The following ERICH3 variants were observed in gnomAD, a reference collection of about 807,000 sequenced individuals.
The protein encoded by ERICH3 is glutamate rich 3.
In ERICH3, 126 loss-of-function variants were observed where a neutral mutation model predicts 131.1. That is an observed-to-expected ratio of 0.96 (90% CI 0.83 to 1.11). The LOEUF is 1.11. Among genes scored for constraint, ERICH3 ranks in the 50% most tolerant of loss-of-function variants. ERICH3 has a pLI of 0.00. For missense variants in ERICH3, 2,050 were observed against 1,810.7 expected, an observed-to-expected ratio of 1.13 and a Z score of -2.40; for synonymous variants, 695 against 644.6, an observed-to-expected ratio of 1.08 and a Z score of -1.18.
intron 12 of ERICH3, among the ~76,000 whole-genome samples, chr1:74,584,928 C>G (rs940961925): frequency 1.3e-5 from 2 of 152,096 alleles, no homozygotes; most frequent in African/African-American, 4.8e-5. Context: ...TCATCAGGAC[C>G]ATTTTATCCT....
At position 74,573,004 on chromosome 1, in the gene ERICH3, T is replaced by C; in HGVS notation, c.2706A>G (p.Ala902=). 6.2e-7 allele frequency: 1 copy of C among 1,614,174 alleles called. No individual in the cohort carries two copies. The highest frequency in any genetic ancestry group is 8.5e-7 in the Non-Finnish European group (1 of 1,180,028). The part of the protein sequence containing the change: ...ASEGEQGLEK[A]VLANEAAALN... ...GGGCTGCTGCTTCATTTGCAAGCAC[T>C]GCCTTCTCTAAACCCTGTTCCCCTT... Residue 902 remains alanine, a synonymous_variant, in exon 14 of 15, where the codon GCA becomes GCG. Coordinates refer to ENST00000326665, the MANE Select transcript of ERICH3 (RefSeq NM_001002912.5).
Position 74,612,691 on chromosome 1 carries a change from A to C in ERICH3, c.1119T>G (p.Gly373=), listed in dbSNP as rs751054291. Reference sequence around the variant, plus strand: ...AGCCTCGTTTGCCTCCAAGCCTGGAACCTTTCCGATGCTTGTATTCACAAC... The same window carrying C: ...AGCCTCGTTTGCCTCCAAGCCTGGACCCTTTCCGATGCTTGTATTCACAAC... ...SSCCEYKHRK[G]SRLGGKRGYF... The change falls in exon 9 of 15, where the codon GGT becomes GGG. Residue 373 remains glycine (G), a synonymous_variant. Transcript: ENST00000326665. 1.2e-6 allele frequency: 2 copies of C among 1,602,870 alleles called. No homozygotes were observed. The highest frequency in any genetic ancestry group is 2.2e-5 in the East Asian group (1 of 44,776).
At chr1:74,621,208 G>A (rs1280242900) in intron 7 of ERICH3, among the ~76,000 whole-genome samples, 1 of 152,108 alleles carries the variant, frequency 6.6e-6, no homozygotes, top group African/African-American at 2.4e-5. Flanking sequence ...GTGTGTGGGA[G>A]TGTGTTTGTT....
chr1:74,572,356 G>A lies in ERICH3; in HGVS notation c.3354C>T (p.Pro1118=), dbSNP rs989801836. The change falls in exon 14 of 15, where the codon CCC becomes CCT. Residue 1118 remains proline, a synonymous_variant. Transcript: ENST00000326665. ...CAGCATCAGATCCCATTTCATTTGG[G>A]GGAGCTTTTGTCTCTTCCTCAGCTC... is the stretch of plus-strand genomic sequence containing the variant. ...EVRAEEETKA[P]PNEMGSDAEN... is the part of the protein sequence containing the mutation. The A allele has an allele frequency of 6.2e-7, 1 of 1,613,656 alleles. No homozygotes were observed. The highest frequency in any genetic ancestry group is 8.5e-7 in the Non-Finnish European group (1 of 1,179,976).
chr1:74,641,588 T>G lies in ERICH3; in HGVS notation c.316-129A>C. The G allele has an allele frequency of 7.8e-6, 9 of 1,152,184 alleles. 1 individual carries two copies. The South Asian group carries it at 1.3e-4, about 17-fold the overall frequency. The allele number at this position is 1,152,184 out of a possible 1,614,324, so 71.4% of individuals were successfully genotyped here. A position where few individuals can be genotyped will look rare whatever the true frequency, so the allele number is the denominator to read the frequency against. ...CATTTCTTCCAAGAGTTACTTTTGT[T>G]AAGGAGTTAGGTGTGGTGGTAAGGC... On this transcript the variant is annotated intron_variant, in intron 4 of 14. Transcript: ENST00000326665.
intron 1 of ERICH3, among the ~76,000 whole-genome samples, chr1:74,670,512 C>G (rs761070194): frequency 1.3e-5 from 2 of 152,148 alleles, no homozygotes; most frequent in Non-Finnish European, 2.9e-5. Flanking sequence ...TAAATTGTGA[C>G]GATTTCATGA....
At position 74,571,032 on chromosome 1, in the gene ERICH3, C is replaced by T. The variant is rs1213785310; in HGVS notation, c.*18+67G>A. 31 of 1,528,566 alleles carry T rather than the reference C, an allele frequency of 2.0e-5. No homozygotes were observed. The East Asian group carries it at 6.8e-4, about 33-fold the overall frequency. 94.7% of individuals were successfully genotyped at this position (1,528,566 alleles called of 1,614,324 possible). ...GACACCAATAAAGGGACAAGCCAGCCCCAAGGGGAGGAGACCCACCGCAGG... is the reference window on the plus strand; with the variant it reads ...GACACCAATAAAGGGACAAGCCAGCTCCAAGGGGAGGAGACCCACCGCAGG... On this transcript the variant is annotated intron_variant, in intron 14 of 14. Coordinates refer to ENST00000326665, the MANE Select transcript of ERICH3 (RefSeq NM_001002912.5).
intron 12 of ERICH3, among the ~76,000 whole-genome samples, chr1:74,588,626 T>C (rs567250772): frequency 2.0e-5 from 3 of 152,092 alleles, no homozygotes; most frequent in Non-Finnish European, 2.9e-5. Flanking sequence ...GAATGGCTCC[T>C]GCATTGACAG....
chr1:74,628,842 C>T (rs558262838), intron 7 of ERICH3, among the ~76,000 whole-genome samples: 47 of 151,944 alleles, frequency 3.1e-4, no homozygotes, highest in Non-Finnish European at 4.4e-4. Flanking sequence ...ATAAGACTTT[C>T]TAAACATTTA....
chr1:74,663,622 TAAAAA>T (rs75939047), intron 1 of ERICH3, among the ~76,000 whole-genome samples: 1 of 131,886 alleles, frequency 7.6e-6, no homozygotes, highest in African/African-American at 2.8e-5. Context: ...TGATTTTTGT[TAAAAA>T]AAAAAAAAAA....
At chr1:74,674,118 C>G (rs1045603692), upstream of ERICH3, among the ~76,000 whole-genome samples, 1 of 152,306 alleles carries the variant, frequency 6.6e-6, no homozygotes. Flanking sequence ...AAGGACGTCT[C>G]TCAATCTGTT....
At chr1:74,600,735 C>T (rs1648089740) in intron 10 of ERICH3, among the ~76,000 whole-genome samples, 1 of 151,668 alleles carries the variant, frequency 6.6e-6, no homozygotes, top group East Asian at 1.9e-4. Context: ...TTTTCTTCCA[C>T]CAAAAACTAA....
rs148979320 is a variant in ERICH3 at position 74,585,837 on chromosome 1, A to T, written c.2176+3794T>A. 9.1e-3 allele frequency among the ~76,000 whole-genome samples: 1,381 copies of T among 152,228 alleles called. 22 individuals are homozygous for T. The highest frequency in any genetic ancestry group is 0.032 in the African/African-American group (1,324 of 41,556). ...ACAAAAAATTTCAAGAATATTTTTGACTTTTAAATCTATTATTTAAAATAT... is the reference window on the plus strand; with the variant it reads ...ACAAAAAATTTCAAGAATATTTTTGTCTTTTAAATCTATTATTTAAAATAT... On this transcript the variant is annotated intron_variant, in intron 12 of 14. Transcript: ENST00000326665.
At chr1:74,665,026 C>A (rs1646676240) in intron 1 of ERICH3, among the ~76,000 whole-genome samples, 1 of 152,076 alleles carries the variant, frequency 6.6e-6, no homozygotes, top group African/African-American at 2.4e-5. Flanking sequence ...AAATCTTAAC[C>A]CACAATGTTA....
intron 8 of ERICH3, chr1:74,615,390 T>G (rs1333125980): frequency 6.6e-6 from 1 of 152,166 alleles, no homozygotes; most frequent in East Asian, 1.9e-4. Flanking sequence ...TGCTAGTCTA[T>G]CCACAACACA....
chr1:74,584,253 C>T (rs1049292004), intron 12 of ERICH3, among the ~76,000 whole-genome samples: 6 of 152,188 alleles, frequency 3.9e-5, no homozygotes, highest in African/African-American at 1.4e-4. Flanking sequence ...GCAGAGAATG[C>T]TAAAGTTTAG....
chr1:74,583,602 T>A (rs1053903100), intron 12 of ERICH3, among the ~76,000 whole-genome samples: 4 of 152,094 alleles, frequency 2.6e-5, no homozygotes, highest in Non-Finnish European at 5.9e-5. Flanking sequence ...GTGCTACGTA[T>A]TTTCTAGCCA....
At chr1:74,670,355 G>T (rs1646729700) in intron 1 of ERICH3, among the ~76,000 whole-genome samples, 1 of 152,126 alleles carries the variant, frequency 6.6e-6, no homozygotes, top group Non-Finnish European at 1.5e-5. Context: ...ATGGTGAAGA[G>T]AAATGACTCT....
intron 13 of ERICH3, among the ~76,000 whole-genome samples, chr1:74,574,768 T>TTA (rs1174750214): frequency 1.3e-5 from 2 of 152,172 alleles, no homozygotes; most frequent in East Asian, 3.9e-4. Context: ...TTAAATAAAG[T>TTA]TATATATATG....
Sources: gnomAD v4.1 joint callset for allele counts (sites outside exome capture counted in the v4.1 genomes callset) on GRCh38, gnomAD v4.1.1 for gene constraint, MANE v1.5 for transcripts, NCBI Gene and HGNC (gene_info 2026-07-23, HGNC 2026-07-21) for gene names.